The following NECTIN3 variants were observed in gnomAD, a reference collection of about 807,000 sequenced individuals.
NECTIN3 encodes nectin-3.
NECTIN3 carries 8 observed loss-of-function variants against 49.4 expected under a neutral mutation model. The ratio of observed to expected loss-of-function variants is 0.16; its 90% CI spans 0.10 to 0.29. NECTIN3 has a LOEUF of 0.29. NECTIN3 is among the 10% of genes least tolerant of loss of function. NECTIN3 has a pLI of 1.00. For missense variants in NECTIN3, 581 were observed against 654.6 expected (o/e 0.89, Z 1.23); for synonymous variants, 277 against 241.1 (o/e 1.15, Z -1.38).
Position 111,080,204 on chromosome 3 carries a change from A to G in NECTIN3, c.160+8027A>G, listed in dbSNP as rs1447743955. Among the ~76,000 whole-genome samples the G allele has an allele frequency of 4.6e-5, 7 of 152,142 alleles. No individual in the cohort carries two copies. The East Asian group carries it at 1.3e-3, about 29-fold the overall frequency. On this transcript the variant is annotated intron_variant, in intron 1 of 5. Coordinates refer to ENST00000485303, the MANE Select transcript of NECTIN3 (RefSeq NM_015480.3). Reference sequence around the variant, plus strand: ...TATGTTTGCCGTTTTCAATGAGGAAAGATTTTCAACTTCGGGATTCTTAAA... The same window carrying G: ...TATGTTTGCCGTTTTCAATGAGGAAGGATTTTCAACTTCGGGATTCTTAAA...
intron 1 of NECTIN3, chr3:111,192,544 G>A (rs1399141699): frequency 6.6e-6 from 6 of 904,708 alleles, no homozygotes; most frequent in Non-Finnish European, 9.8e-6. Context: ...GCTAAGATCT[G>A]GTAGTCCTTG....
At chr3:111,140,923 A>G (rs1344553328), downstream of NECTIN3, among the ~76,000 whole-genome samples, 1 of 151,922 alleles carries the variant, frequency 6.6e-6, no homozygotes, top group African/African-American at 2.4e-5. Context: ...TTTTTTAAAG[A>G]TAAGTGGTAA....
chr3:111,111,471 A>G (rs1348321043), intron 1 of NECTIN3, among the ~76,000 whole-genome samples: 2 of 152,184 alleles, frequency 1.3e-5, no homozygotes, highest in African/African-American at 2.4e-5. Flanking sequence ...AAGATACTTC[A>G]GTATTATATT....
intron 7 of NECTIN3, among the ~76,000 whole-genome samples, chr3:111,150,472 T>C (rs2034977070): frequency 6.6e-6 from 1 of 151,970 alleles, no homozygotes; most frequent in Non-Finnish European, 1.5e-5. Context: ...CAAATATGTA[T>C]ATTTGTGTAT....
At chr3:111,177,474 T>A (rs2035552519) in intron 7 of NECTIN3, among the ~76,000 whole-genome samples, 1 of 152,218 alleles carries the variant, frequency 6.6e-6, no homozygotes. Flanking sequence ...GAATGATTTT[T>A]GGCATAGCTT....
chr3:111,191,283 A>G (rs1324913196), upstream of NECTIN3, among the ~76,000 whole-genome samples: 1 of 152,234 alleles, frequency 6.6e-6, no homozygotes, highest in African/African-American at 2.4e-5. Flanking sequence ...CTGTAAAATA[A>G]AGATATTAGT....
At chr3:111,173,805 CT>C (rs35136391) in intron 7 of NECTIN3, among the ~76,000 whole-genome samples, 7,600 of 151,344 alleles carry the variant, frequency 0.05, 602 homozygotes, top group African/African-American at 0.17. Flanking sequence ...TATTCCTTCT[CT>C]TTTTTTTTGT....
At chr3:111,144,891 C>T in intron 5 of NECTIN3, 1 of 1,529,954 alleles carries the variant, frequency 6.5e-7, no homozygotes, top group Non-Finnish European at 8.7e-7. Flanking sequence ...ATTTTTGTTA[C>T]TTTACAGATG....
intron 7 of NECTIN3, among the ~76,000 whole-genome samples, chr3:111,173,426 G>A (rs1428629654): frequency 6.6e-6 from 1 of 152,078 alleles, no homozygotes; most frequent in Non-Finnish European, 1.5e-5. Flanking sequence ...TCAGTTCATG[G>A]CAGTCCTATA....
intron 1 of NECTIN3, among the ~76,000 whole-genome samples, chr3:111,092,847 A>G (rs2032356160): frequency 6.6e-6 from 1 of 152,206 alleles, no homozygotes; most frequent in South Asian, 2.1e-4. Flanking sequence ...CAATTGTGCC[A>G]GGTAGGATTT....
intron 7 of NECTIN3, among the ~76,000 whole-genome samples, chr3:111,153,081 A>G (rs1021318474): frequency 6.6e-6 from 1 of 151,874 alleles, no homozygotes; most frequent in Non-Finnish European, 1.5e-5. Flanking sequence ...TTTTTTTCCA[A>G]ATTATAGAGA....
chr3:111,089,359 T>G (rs1317794418), intron 1 of NECTIN3, among the ~76,000 whole-genome samples: 1 of 152,012 alleles, frequency 6.6e-6, no homozygotes, highest in Non-Finnish European at 1.5e-5. Flanking sequence ...TTATTCTTTT[T>G]CTCATTCTTC....
chr3:111,081,432 CT>C (rs2031599106), intron 1 of NECTIN3, among the ~76,000 whole-genome samples: 1 of 152,162 alleles, frequency 6.6e-6, no homozygotes, highest in Non-Finnish European at 1.5e-5. Context: ...TGAAAGATGT[CT>C]TTCTCTGTGT....
At chr3:111,148,413 G>A (rs1364336539) in intron 7 of NECTIN3, among the ~76,000 whole-genome samples, 1 of 152,222 alleles carries the variant, frequency 6.6e-6, no homozygotes, top group Non-Finnish European at 1.5e-5. Flanking sequence ...TACACAGTTA[G>A]GTGTCCTGAT....
intron 1 of NECTIN3, among the ~76,000 whole-genome samples, chr3:111,090,594 GTGT>G (rs1350846427): frequency 1.2e-4 from 17 of 143,884 alleles, no homozygotes; most frequent in Non-Finnish European, 3.0e-5. Context: ...GTGTGTGTGT[GTGT>G]GTCTCATAAG....
intron 7 of NECTIN3, among the ~76,000 whole-genome samples, chr3:111,187,229 C>T (rs1411818610): frequency 6.6e-6 from 1 of 152,096 alleles, no homozygotes; most frequent in Non-Finnish European, 1.5e-5. Context: ...AATACCCTGT[C>T]TCTACAAAAA....
Position 111,176,955 on chromosome 3 carries a change from T to C in NECTIN3, c.1222-15396T>C, listed in dbSNP as rs2035541302. The stretch of plus-strand genomic sequence containing the variant: ...GGCATTCTTCACTTAGTATATAGCC[T>C]GTTGTTTTAGGAACTAAAATACATT... On this transcript the variant is annotated intron_variant, in intron 7 of 8. Transcript: ENST00000493615. 2.0e-5 allele frequency among the ~76,000 whole-genome samples: 3 copies of C among 152,180 alleles called. No individual in the cohort carries two copies. In the South Asian group the frequency reaches 6.2e-4, roughly 31 times the overall value.
chr3:111,088,758 T>G (rs960728533), intron 1 of NECTIN3, among the ~76,000 whole-genome samples: 2 of 152,202 alleles, frequency 1.3e-5, no homozygotes, highest in African/African-American at 4.8e-5. Context: ...TTTCCACATA[T>G]GTTTATGAAT....
At position 111,193,542 on chromosome 3, in the gene NECTIN3, T is replaced by A. The variant is rs1027427856; in HGVS notation, c.63+1129T>A. 5.0e-6 allele frequency: 4 copies of A among 805,584 alleles called. No individual in the cohort carries two copies. The African/African-American group carries it at 5.2e-5, about 10-fold the overall frequency. 49.9% of individuals were successfully genotyped at this position (805,584 alleles called of 1,614,324 possible). On this transcript the variant is annotated intron_variant, in intron 1 of 1. Coordinates refer to the NECTIN3 transcript ENST00000485506. ...ACGTAAAGCCAATAGCAAATTTCTT[T>A]TCTTCATTAAGCGTTTCTTAACCAC...
Sources: allele counts gnomAD v4.1 joint callset (sites outside exome capture counted in the v4.1 genomes callset), GRCh38; gene constraint gnomAD v4.1.1; transcripts MANE v1.5; gene names NCBI Gene and HGNC (gene_info 2026-07-23, HGNC 2026-07-21).